PLXDC2: variants seen among roughly 807,000 people sequenced by gnomAD.
PLXDC2 encodes plexin domain-containing protein 2.
In PLXDC2, 40 loss-of-function variants were observed where a neutral mutation model predicts 68.9. The ratio of observed to expected loss-of-function variants is 0.58; its 90% CI spans 0.45 to 0.76. The LOEUF is 0.76. Among genes scored for constraint, PLXDC2 ranks in the 30% least tolerant of loss-of-function variants. The probability of loss-of-function intolerance (pLI) is 0.00; values close to 1 mark genes in which losing one functional copy is unlikely to be tolerated. For synonymous variants in PLXDC2, 243 were observed against 234.2 expected (o/e 1.04, Z -0.34); for missense variants, 644 against 661.9 (o/e 0.97, Z 0.30).
chr10:20,010,079 G>T (rs1835086587), intron 2 of PLXDC2, among the ~76,000 whole-genome samples: 1 of 152,050 alleles, frequency 6.6e-6, no homozygotes. Flanking sequence ...CTGAAATTTT[G>T]CCTGAACTTC....
intron 6 of PLXDC2, among the ~76,000 whole-genome samples, chr10:20,157,195 G>A (rs566940291): frequency 9.1e-4 from 139 of 152,314 alleles, no homozygotes; most frequent in African/African-American, 3.3e-3. Flanking sequence ...GATAAGAATG[G>A]GTAAAACAGA....
intron 3 of PLXDC2, among the ~76,000 whole-genome samples, chr10:20,051,667 G>A (rs1835904069): frequency 1.3e-5 from 2 of 151,820 alleles, no homozygotes; most frequent in South Asian, 2.1e-4. Flanking sequence ...AGCCAGTCTT[G>A]TGCTCTCCCG....
chr10:20,207,089 T>C (rs1408273949), intron 9 of PLXDC2, among the ~76,000 whole-genome samples: 2 of 152,192 alleles, frequency 1.3e-5, no homozygotes, highest in African/African-American at 2.4e-5. Context: ...TCCAGTTTTA[T>C]TCATTTTTAA....
At chr10:19,986,880 C>A (rs1297906440) in intron 1 of PLXDC2, among the ~76,000 whole-genome samples, 1 of 152,120 alleles carries the variant, frequency 6.6e-6, no homozygotes, top group Non-Finnish European at 1.5e-5. Flanking sequence ...AGGATTATTA[C>A]TTTTGAGTGG....
chr10:20,235,569 A>G (rs1835421783), intron 12 of PLXDC2, among the ~76,000 whole-genome samples: 1 of 152,210 alleles, frequency 6.6e-6, no homozygotes, highest in Non-Finnish European at 1.5e-5. Flanking sequence ...ATTTTGCAGA[A>G]AAGAAGACAG....
At chr10:20,170,378 C>A (rs184020370) in intron 7 of PLXDC2, among the ~76,000 whole-genome samples, 5 of 152,120 alleles carry the variant, frequency 3.3e-5, no homozygotes, top group Admixed American at 3.3e-4. Context: ...TTAGTAGAGA[C>A]GGGGTTTCAC....
At chr10:19,958,650 G>T (rs1164041731) in intron 1 of PLXDC2, among the ~76,000 whole-genome samples, 1 of 152,136 alleles carries the variant, frequency 6.6e-6, no homozygotes, top group East Asian at 1.9e-4. Flanking sequence ...AGTACTTGAA[G>T]TTACTTCCAA....
intron 2 of PLXDC2, among the ~76,000 whole-genome samples, chr10:20,020,962 T>C (rs986110006): frequency 3.9e-5 from 6 of 152,236 alleles, no homozygotes; most frequent in African/African-American, 1.4e-4. Context: ...TGGAGCTTTT[T>C]GGAAAATTCA....
chr10:19,969,912 G>T (rs537428149), intron 1 of PLXDC2, among the ~76,000 whole-genome samples: 2 of 152,144 alleles, frequency 1.3e-5, no homozygotes, highest in African/African-American at 2.4e-5. Flanking sequence ...ATACAATCCA[G>T]AGGTTCACTC....
At chr10:19,851,483 A>G (rs1405538417) in intron 1 of PLXDC2, among the ~76,000 whole-genome samples, 2 of 152,216 alleles carry the variant, frequency 1.3e-5, no homozygotes, top group South Asian at 4.1e-4. Context: ...TTGACGGGGC[A>G]TATGACCAAT....
intron 1 of PLXDC2, among the ~76,000 whole-genome samples, chr10:19,923,080 C>T (rs1218906951): frequency 6.6e-6 from 1 of 152,030 alleles, no homozygotes; most frequent in Admixed American, 6.6e-5. Context: ...AAAAAAATCT[C>T]TTAAGTCATT....
At chr10:19,932,927 T>C (rs1833664634) in intron 1 of PLXDC2, among the ~76,000 whole-genome samples, 1 of 152,200 alleles carries the variant, frequency 6.6e-6, no homozygotes, top group Non-Finnish European at 1.5e-5. Flanking sequence ...GGATTTGGCA[T>C]GTTCAGTTAC....
At position 20,162,038 on chromosome 10, in the gene PLXDC2, AAGAAAGAGAGAGAG is replaced by A. The variant is rs1451432815; in HGVS notation, c.784-2426_784-2413del. 3.0e-4 allele frequency among the ~76,000 whole-genome samples: 13 copies of A among 43,472 alleles called. 1 individual carries two copies. The East Asian group carries it at 3.6e-3, about 12-fold the overall frequency. The allele number at this position is 43,472 out of a possible 152,430, so 28.5% of individuals were successfully genotyped here. A position where few individuals can be genotyped will look rare whatever the true frequency, so the allele number is the denominator to read the frequency against. ...ACTCTGTCAGAAAAAGAAAGAAAGAAAGAAAGAGAGAGAGAGAGAGAGAGAGAGAGAGAGAAGGA... is the reference window on the plus strand; with the variant it reads ...ACTCTGTCAGAAAAAGAAAGAAAGAAAGAGAGAGAGAGAGAGAGAGAAGGA... On this transcript the variant is annotated intron_variant, in intron 6 of 13. Coordinates refer to ENST00000377252, the MANE Select transcript of PLXDC2 (RefSeq NM_032812.9).
At chr10:20,038,602 T>G (rs2131674214) in intron 2 of PLXDC2, among the ~76,000 whole-genome samples, 1 of 152,334 alleles carries the variant, frequency 6.6e-6, no homozygotes, top group East Asian at 1.9e-4. Flanking sequence ...GTGATTGTTC[T>G]TATCATGCTG....
chr10:19,976,152 T>A (rs1274549412), intron 1 of PLXDC2, among the ~76,000 whole-genome samples: 1 of 152,218 alleles, frequency 6.6e-6, no homozygotes, highest in African/African-American at 2.4e-5. Context: ...CTCTTTTGTC[T>A]TCTAGTTTTC....
intron 1 of PLXDC2, among the ~76,000 whole-genome samples, chr10:19,894,306 G>A (rs972217933): frequency 1.7e-4 from 25 of 150,892 alleles, no homozygotes; most frequent in African/African-American, 5.8e-4. Flanking sequence ...CACAATCCTA[G>A]GAACTTAATT....
intron 1 of PLXDC2, among the ~76,000 whole-genome samples, chr10:19,826,394 C>T (rs1486736705): frequency 2.0e-5 from 3 of 152,160 alleles, no homozygotes; most frequent in East Asian, 1.9e-4. Flanking sequence ...AACTAAGAGA[C>T]ATACCACTGT....
intron 1 of PLXDC2, among the ~76,000 whole-genome samples, chr10:19,934,062 T>A (rs1022847530): frequency 6.6e-6 from 1 of 152,190 alleles, no homozygotes; most frequent in Non-Finnish European, 1.5e-5. Context: ...TACTTTTTCT[T>A]CCAATTTTAA....
At chr10:19,934,131 A>G (rs1373221989) in intron 1 of PLXDC2, among the ~76,000 whole-genome samples, 1 of 152,218 alleles carries the variant, frequency 6.6e-6, no homozygotes, top group Non-Finnish European at 1.5e-5. Context: ...TCATTACCTT[A>G]TACAATCACT....
Sources: gnomAD v4.1 joint callset for allele counts (sites outside exome capture counted in the v4.1 genomes callset) on GRCh38, gnomAD v4.1.1 for gene constraint, MANE v1.5 for transcripts, NCBI Gene and HGNC (gene_info 2026-07-23, HGNC 2026-07-21) for gene names.